The following FANCI variants were observed in gnomAD, a reference collection of about 807,000 sequenced individuals.
FANCI encodes the protein FA complementation group I.
A neutral mutation model predicts 176.1 loss-of-function variants in FANCI; 156 were observed. The ratio of observed to expected loss-of-function variants is 0.89; its 90% CI spans 0.78 to 1.01. The LOEUF is 1.01. Ranked by LOEUF, FANCI falls within the 50% of genes least tolerant of loss-of-function variation. The pLI is 0.00. For synonymous variants in FANCI, 613 were observed against 541.7 expected (o/e 1.13, Z -1.83); for missense variants, 1,678 against 1,534.1 (o/e 1.09, Z -1.57).
intron 2 of FANCI, among the ~76,000 whole-genome samples, chr15:89,251,935 C>T (rs1450748535): frequency 6.6e-6 from 1 of 152,134 alleles, no homozygotes; most frequent in Non-Finnish European, 1.5e-5. Flanking sequence ...CTACTGTCTC[C>T]ATTACTATAT....
Position 89,245,369 on chromosome 15 carries a change from T to TC in FANCI, c.-20+1336_-20+1337insC, listed in dbSNP as rs2151020747. 3.3e-5 allele frequency: 4 copies of TC among 119,848 alleles called. No individual in the cohort carries two copies. The East Asian group carries it at 6.9e-4, about 21-fold the overall frequency. 7.4% of individuals were successfully genotyped at this position (119,848 alleles called of 1,614,324 possible). ...TTTTTTTTTTTTTTTTTTTTTTTTTTTGTATTTTTAGTAGAGACGGGGTTT... is the reference window on the plus strand; with the variant it reads ...TTTTTTTTTTTTTTTTTTTTTTTTTTCTGTATTTTTAGTAGAGACGGGGTTT... On this transcript the variant is annotated intron_variant, in intron 1 of 37. Transcript: ENST00000310775.
chr15:89,302,856 A>G (rs1211562637), intron 27 of FANCI, among the ~76,000 whole-genome samples: 7 of 152,160 alleles, frequency 4.6e-5, no homozygotes, highest in Non-Finnish European at 1.0e-4. Context: ...TACAGGTGTG[A>G]GCCACCGCGC....
At chr15:89,263,134 G>T (rs918662298) in intron 6 of FANCI, among the ~76,000 whole-genome samples, 1 of 151,656 alleles carries the variant, frequency 6.6e-6, no homozygotes, top group Non-Finnish European at 1.5e-5. Context: ...CATTTTTAAA[G>T]TTGATAACTA....
rs1376522409 is a variant in FANCI, at chr15:89,293,848, G to A, written c.2307G>A (p.Glu769=). ...SISSFSKNRF[E]DILSLFMCYK... is the part of the protein sequence containing the mutation. ...TTTTTTACAGTAAGAATAGGTTTGAGGACATTCTGAGCTTATTTATGTGTT... is the reference window on the plus strand; with the variant it reads ...TTTTTTACAGTAAGAATAGGTTTGAAGACATTCTGAGCTTATTTATGTGTT... The change falls in exon 23 of 38, where the codon GAG becomes GAA. Residue 769 remains glutamate, a synonymous_variant. Coordinates refer to ENST00000310775, the MANE Select transcript of FANCI (RefSeq NM_001113378.2). The A allele has an allele frequency of 2.5e-6, 4 of 1,613,810 alleles. No individual in the cohort carries two copies. The highest frequency in any genetic ancestry group is 2.7e-5 in the African/African-American group (2 of 74,856).
intron 9 of FANCI, among the ~76,000 whole-genome samples, chr15:89,267,263 T>C (rs2053002645): frequency 6.7e-6 from 1 of 149,294 alleles, no homozygotes; most frequent in Admixed American, 6.7e-5. Context: ...GAGGTTGCAG[T>C]GAGCTGAGAT....
chr15:89,307,932 T>C, intron 34 of FANCI: 1 of 1,352,826 alleles, frequency 7.4e-7, no homozygotes, highest in Non-Finnish European at 9.5e-7. Context: ...ACAAGCATGC[T>C]CAGGCTCAAG....
At chr15:89,285,071 G>A (rs1184455485) in intron 17 of FANCI, 25 bp from the exon 18 acceptor site, 9 of 1,613,400 alleles carry the variant, frequency 5.6e-6, no homozygotes, top group East Asian at 2.2e-5. Context: ...TAAGATAGAC[G>A]TGAATTGGCC....
Position 89,294,955 on chromosome 15 carries a change from A to G in FANCI, c.2497A>G (p.Arg833Gly), listed in dbSNP as rs1341559801. The change falls in exon 24 of 38, where the codon AGG becomes GGG. Residue 833 changes from arginine (R) to glycine (G), a missense_variant. Arg to Gly is a moderately radical substitution (Grantham distance 125). Around this residue, in one of 3 missense-constraint regions of FANCI, gnomAD observed 1,204 missense variants for 1,077.4 expected, o/e 1.12. Coordinates refer to ENST00000310775, the MANE Select transcript of FANCI (RefSeq NM_001113378.2). ...CCACCAAGAAAGCCTTTCTGTTCTC[A>G]GGTCCAGCAATGAGTTTATGCGCTA... ...QSHQESLSVLRSSNEFMRYAV... is the reference protein window; with the variant it reads ...QSHQESLSVLGSSNEFMRYAV... 2 of 1,552,320 alleles carry G rather than the reference A, an allele frequency of 1.3e-6. No homozygotes were observed. The highest frequency in any genetic ancestry group is 2.4e-5 in the East Asian group (1 of 40,926).
At position 89,316,702 on chromosome 15, in the gene FANCI, C is replaced by G. The variant is rs758880377; in HGVS notation, c.*243C>G. The G allele has an allele frequency of 7.1e-7, 1 of 1,409,042 alleles. No homozygotes were observed. The highest frequency in any genetic ancestry group is 1.6e-5 in the African/African-American group (1 of 60,758). The allele number at this position is 1,409,042 out of a possible 1,614,324, so 87.3% of individuals were successfully genotyped here. On this transcript the variant is annotated 3_prime_UTR_variant, in exon 38 of 38. Coordinates refer to ENST00000310775, the MANE Select transcript of FANCI (RefSeq NM_001113378.2). ...GAAAGCCTGAGTTTGGGAGCCTGCA[C>G]CACCCCGATGAAGCTCCACGGGAGC...
intron 34 of FANCI, among the ~76,000 whole-genome samples, chr15:89,308,920 T>C (rs1174826667): frequency 6.8e-6 from 1 of 147,130 alleles, no homozygotes; most frequent in African/African-American, 2.5e-5. Context: ...TGCTCCAGCC[T>C]AGCAACAAGA....
chr15:89,263,985 A>G lies in FANCI; in HGVS notation c.628A>G (p.Ile210Val), dbSNP rs758214106. ...GTTCTCCAAGATGAATCTTCAAGAA[A>G]TACCACCTTTGGTCTATCAGCTTCT... ...SMFSKMNLQE[I>V]PPLVYQLLVL... Residue 210 changes from isoleucine (I) to valine (V), a missense_variant, in exon 8 of 38, where the codon ATA becomes GTA. Physicochemically the swap from Ile to Val is conservative, Grantham distance 29 (BLOSUM62 3). Around this residue, in one of 3 missense-constraint regions of FANCI, gnomAD observed 469 missense variants for 436.9 expected, o/e 1.07. Transcript: ENST00000310775. 6.2e-7 allele frequency: 1 copy of G among 1,614,112 alleles called. No homozygotes were observed. Among genetic ancestry groups the G allele is most frequent in the South Asian group, 1.1e-5 (1 of 91,078 alleles).
intron 2 of FANCI, among the ~76,000 whole-genome samples, chr15:89,252,785 G>A (rs1450663938): frequency 6.6e-6 from 1 of 151,646 alleles, no homozygotes; most frequent in Non-Finnish European, 1.5e-5. Flanking sequence ...AAACCCATGC[G>A]AAAAAAAACT....
chr15:89,296,671 G>A (rs1043220971), intron 24 of FANCI, among the ~76,000 whole-genome samples: 18 of 151,968 alleles, frequency 1.2e-4, no homozygotes, highest in South Asian at 2.1e-4. Context: ...CCACAAAACC[G>A]CCATTGTCAT....
intron 9 of FANCI, among the ~76,000 whole-genome samples, chr15:89,264,824 G>A (rs537540124): frequency 1.3e-4 from 20 of 152,260 alleles, no homozygotes; most frequent in African/African-American, 4.8e-4. Context: ...CCTATAAGCT[G>A]CAAGTTTAAA....
Position 89,293,985 on chromosome 15 carries a change from C to G in FANCI, c.2444C>G (p.Thr815Ser). The G allele has an allele frequency of 6.2e-7, 1 of 1,614,186 alleles. No individual in the cohort carries two copies. The change falls in exon 23 of 38, where the codon ACT becomes AGT. Residue 815 changes from threonine to serine, a missense_variant. Transcript: ENST00000310775. The stretch of plus-strand genomic sequence containing the variant: ...ATGAAATTTGTGTCCAGTCTTCTCA[C>G]TGCTCTTTTCAGGTAAGGTTCTGCT... ...LSMKFVSSLL[T>S]ALFRDSIQSH...
At position 89,305,638 on chromosome 15, in the gene FANCI, G is replaced by A; in HGVS notation, c.3289G>A (p.Glu1097Lys). 1 of 1,614,200 alleles carries A rather than the reference G, an allele frequency of 6.2e-7. No individual in the cohort carries two copies. The change falls in exon 31 of 38, where the codon GAA (glutamate) becomes AAA (lysine). Residue 1097 changes from glutamate to lysine, a missense_variant. By Grantham distance (56) the Glu-to-Lys change is moderately conservative (BLOSUM62 1). Around this residue, in one of 3 missense-constraint regions of FANCI, gnomAD observed 1,204 missense variants for 1,077.4 expected, o/e 1.12. Transcript: ENST00000310775. ...LVLSQAEKVL[E>K]EVDWLITKLK... Reference sequence around the variant, plus strand: ...TCTGAGTCAGGCCGAGAAGGTTCTAGAAGAAGTGGACTGGCTAATCACCAA... The same window carrying A: ...TCTGAGTCAGGCCGAGAAGGTTCTAAAAGAAGTGGACTGGCTAATCACCAA...
At position 89,299,784 on chromosome 15, in the gene FANCI, C is replaced by T. The variant is rs2054459652; in HGVS notation, c.2637-16C>T. The T allele has an allele frequency of 2.5e-6, 4 of 1,611,968 alleles. No homozygotes were observed. The South Asian group carries it at 4.4e-5, about 18-fold the overall frequency. ...GAACCTGTCTTTAAAAACAATACCA[C>T]TTTCTCCTGCTTCAGAGTCTTGCTA... On this transcript the variant is annotated splice_polypyrimidine_tract_variant and intron_variant, in intron 24 of 37. Coordinates refer to ENST00000310775, the MANE Select transcript of FANCI (RefSeq NM_001113378.2).
At chr15:89,270,861 TC>T (rs1012320467) in intron 10 of FANCI, among the ~76,000 whole-genome samples, 34 of 152,296 alleles carry the variant, frequency 2.2e-4, no homozygotes, top group African/African-American at 7.9e-4. Context: ...CTTTGCCCCA[TC>T]CTGATGCTAG....
At chr15:89,269,180 TTC>T (rs2151381962) in intron 10 of FANCI, among the ~76,000 whole-genome samples, 1 of 152,308 alleles carries the variant, frequency 6.6e-6, no homozygotes, top group South Asian at 2.1e-4. Context: ...ACCTCACTTT[TTC>T]TCTCATACAT....
Sources: gnomAD v4.1 joint callset for allele counts (sites outside exome capture counted in the v4.1 genomes callset) on GRCh38, gnomAD v4.1.1 for gene constraint, gnomAD v4.1.1 regional missense constraint, MANE v1.5 for transcripts, NCBI Gene and HGNC (gene_info 2026-07-23, HGNC 2026-07-21) for gene names.